The following C2orf69 variants were observed in gnomAD, a reference collection of about 807,000 sequenced individuals.
C2orf69 encodes the protein chromosome 2 open reading frame 69.
A neutral mutation model predicts 29.5 loss-of-function variants in C2orf69; 19 were observed. The observed-to-expected ratio is 0.65, with a 90% confidence interval of 0.45 to 0.95. C2orf69 has a LOEUF of 0.95. C2orf69 is among the 40% of genes least tolerant of loss of function. The pLI is 0.00. For synonymous variants in C2orf69, 194 were observed against 180.0 expected (o/e 1.08, Z -0.62); for missense variants, 416 against 482.1 (o/e 0.86, Z 1.28).
rs1481010300 is a variant in C2orf69, at chr2:199,911,606, G to C, written c.168G>C (p.Gln56His). ...AGGTGCGCCGCCGTCAGTGCCTGCA[G>C]CTTTCCACCGTGCCTGGAGCCGATC... is the stretch of plus-strand genomic sequence containing the variant. Reference protein sequence around the residue: ...SAEVRRRQCLQLSTVPGADPQ... With the variant: ...SAEVRRRQCLHLSTVPGADPQ... Residue 56 changes from glutamine (Q) to histidine (H), a missense_variant, in exon 1 of 2, where the codon CAG (glutamine) becomes CAC (histidine). Coordinates refer to ENST00000319974, the MANE Select transcript of C2orf69 (RefSeq NM_153689.6). 1 of 1,549,654 alleles carries C rather than the reference G, an allele frequency of 6.5e-7. No homozygotes were observed.
At chr2:199,911,884 A>T in intron 1 of C2orf69, 113 bp downstream of exon 1, 1 of 1,391,726 alleles carries the variant, frequency 7.2e-7, no homozygotes, top group Non-Finnish European at 9.7e-7. Context: ...GAACACACCC[A>T]CACATTCACT....
intron 1 of C2orf69, among the ~76,000 whole-genome samples, chr2:199,913,779 G>A (rs55687232): frequency 0.066 from 9,988 of 151,554 alleles, 687 homozygotes; most frequent in Admixed American, 0.22. Context: ...ATAATTTTGT[G>A]GAACAATTAC....
chr2:199,911,328 G>T lies in C2orf69; in HGVS notation c.-111G>T, dbSNP rs925068545. ...GTCGCCTCAGCGCCGGCTCCCGGCC[G>T]GGCCGCGGCCGCCGACCGTTGAGCC... On this transcript the variant is annotated 5_prime_UTR_variant, in exon 1 of 2. Transcript: ENST00000319974. 5.4e-6 allele frequency: 7 copies of T among 1,291,804 alleles called. No individual in the cohort carries two copies. The highest frequency in any genetic ancestry group is 3.7e-5 in the South Asian group (2 of 53,434). 80.0% of individuals were successfully genotyped at this position (1,291,804 alleles called of 1,614,324 possible). A position where few individuals can be genotyped will look rare whatever the true frequency, so the allele number is the denominator to read the frequency against.
chr2:199,927,995 C>A lies in C2orf69; in HGVS notation c.*2109C>A, dbSNP rs1254377924. On this transcript the variant is annotated 3_prime_UTR_variant, in exon 2 of 2. Transcript: ENST00000319974. ...GGTATTAAGAGTAAGTCACCAGGTA[C>A]ACAAAACTGCCATCATAGCAAAATG... 3.3e-5 allele frequency: 5 copies of A among 152,480 alleles called. No homozygotes were observed. Among genetic ancestry groups the A allele is most frequent in the South Asian group, 4.1e-4 (2 of 4,824 alleles). 9.4% of individuals were successfully genotyped at this position (152,480 alleles called of 1,614,324 possible). A position where few individuals can be genotyped will look rare whatever the true frequency, so the allele number is the denominator to read the frequency against.
At chr2:199,921,317 A>AT (rs2077315263) in intron 1 of C2orf69, among the ~76,000 whole-genome samples, 1 of 151,966 alleles carries the variant, frequency 6.6e-6, no homozygotes, top group African/African-American at 2.4e-5. Context: ...GGGAATTAGT[A>AT]TTTTTAACAT....
chr2:199,919,606 C>T (rs1343265650), intron 1 of C2orf69, among the ~76,000 whole-genome samples: 1 of 152,158 alleles, frequency 6.6e-6, no homozygotes, highest in African/African-American at 2.4e-5. Context: ...GGCCTTCTTG[C>T]CCTGTCATCT....
chr2:199,921,860 A>AC (rs1195210395), intron 1 of C2orf69, among the ~76,000 whole-genome samples: 2 of 151,444 alleles, frequency 1.3e-5, no homozygotes, highest in African/African-American at 4.9e-5. Context: ...TCTTACCTGT[A>AC]CCTTTGTATA....
chr2:199,911,547 G>T lies in C2orf69; in HGVS notation c.109G>T (p.Gly37Cys). The T allele has an allele frequency of 6.5e-7, 1 of 1,549,704 alleles. No homozygotes were observed. The highest frequency in any genetic ancestry group is 8.7e-7 in the Non-Finnish European group (1 of 1,146,712). Residue 37 changes from glycine (G) to cysteine (C), a missense_variant, in exon 1 of 2, where the codon GGC (glycine) becomes TGC (cysteine). By Grantham distance (159) the Gly-to-Cys change is radical (BLOSUM62 -3). Around this residue, in one of 4 missense-constraint regions of C2orf69, gnomAD observed 175 missense variants for 139.9 expected, o/e 1.25. Coordinates refer to ENST00000319974, the MANE Select transcript of C2orf69 (RefSeq NM_153689.6). The part of the protein sequence containing the change: ...CSQARTMNPG[G>C]SGGARCSLSA... ...TCAGGCCAGAACCATGAACCCGGGC[G>T]GCAGCGGCGGCGCGCGATGCTCCCT...
chr2:199,926,834 C>T lies in C2orf69; in HGVS notation c.*948C>T, dbSNP rs1410921564. On this transcript the variant is annotated 3_prime_UTR_variant, in exon 2 of 2. Coordinates refer to ENST00000319974, the MANE Select transcript of C2orf69 (RefSeq NM_153689.6). ...TAAAAATGTACTACAGAGCAAATTTCAAATTTTTCATTATATCAGTCTTTT... is the reference window on the plus strand; with the variant it reads ...TAAAAATGTACTACAGAGCAAATTTTAAATTTTTCATTATATCAGTCTTTT... 3 of 152,530 alleles carry T rather than the reference C, an allele frequency of 2.0e-5. No homozygotes were observed. The highest frequency in any genetic ancestry group is 4.4e-5 in the Non-Finnish European group (3 of 68,018). The allele number at this position is 152,530 out of a possible 1,614,324, so 9.4% of individuals were successfully genotyped here. A position where few individuals can be genotyped will look rare whatever the true frequency, so the allele number is the denominator to read the frequency against.
At chr2:199,917,516 T>TGGGGCA (rs1491521351) in intron 1 of C2orf69, among the ~76,000 whole-genome samples, 1 of 152,214 alleles carries the variant, frequency 6.6e-6, no homozygotes, top group East Asian at 1.9e-4. Context: ...CACAGATCTC[T>TGGGGCA]GGGGCAGGGG....
intron 1 of C2orf69, among the ~76,000 whole-genome samples, chr2:199,920,728 G>A (rs535706909): frequency 3.3e-4 from 50 of 151,920 alleles, no homozygotes; most frequent in African/African-American, 8.7e-4. Context: ...AGACCGAAGC[G>A]GGTGGATCAC....
rs536123946 is a variant in C2orf69, at chr2:199,912,765, C to G, written c.333+994C>G. On this transcript the variant is annotated intron_variant, in intron 1 of 1. Transcript: ENST00000319974. ...AAGTGATTCTCGTGCCTCAGCCTCC[C>G]GAGTAGCTGGGATTACAGGCATGCG... 7.2e-5 allele frequency among the ~76,000 whole-genome samples: 11 copies of G among 152,110 alleles called. No individual in the cohort carries two copies. In the East Asian group the frequency reaches 2.1e-3, roughly 29 times the overall value.
chr2:199,912,150 A>C (rs2077266259), intron 1 of C2orf69, among the ~76,000 whole-genome samples: 1 of 152,190 alleles, frequency 6.6e-6, no homozygotes, highest in Non-Finnish European at 1.5e-5. Flanking sequence ...ATGGCTTTCA[A>C]ATTAAGTTAG....
At chr2:199,915,185 A>G (rs1269557020) in intron 1 of C2orf69, among the ~76,000 whole-genome samples, 1 of 152,218 alleles carries the variant, frequency 6.6e-6, no homozygotes, top group Admixed American at 6.5e-5. Context: ...TTTTGAGCCT[A>G]ATATCTATCC....
rs569112934 is a variant in C2orf69, at chr2:199,927,723, C to CT, written c.*1844dup. ...GCCTTTAAGCACTATGATTGGATGG[C>CT]TTTTTTTCTATTTGTTTAATAATCC... is the stretch of plus-strand genomic sequence containing the variant. On this transcript the variant is annotated 3_prime_UTR_variant, in exon 2 of 2. Coordinates refer to ENST00000319974, the MANE Select transcript of C2orf69 (RefSeq NM_153689.6). 9.9e-5 allele frequency: 15 copies of CT among 151,948 alleles called. No individual in the cohort carries two copies. The highest frequency in any genetic ancestry group is 3.1e-4 in the African/African-American group (13 of 41,466). The allele number at this position is 151,948 out of a possible 1,614,324, so 9.4% of individuals were successfully genotyped here. A position where few individuals can be genotyped will look rare whatever the true frequency, so the allele number is the denominator to read the frequency against.
Position 199,925,127 on chromosome 2 carries a change from T to G in C2orf69, c.399T>G (p.Asn133Lys). 1 of 1,613,340 alleles carries G rather than the reference T, an allele frequency of 6.2e-7. No individual in the cohort carries two copies. The highest frequency in any genetic ancestry group is 8.5e-7 in the Non-Finnish European group (1 of 1,179,444). The change falls in exon 2 of 2, where the codon AAT (asparagine) becomes AAG (lysine). Residue 133 changes from asparagine (N) to lysine (K), a missense_variant. Asn to Lys is a moderately conservative substitution (Grantham distance 94). This residue lies in a region of C2orf69 where 225 missense variants were observed against 307.3 expected (regional missense o/e 0.73). Transcript: ENST00000319974. This position sits in a 1 kb window ranked among gnomAD's most constrained non-coding sequence, Gnocchi z 4.9. ...AATGGGAAAACTGGAGTCTAGAAAATGTTGCTACCATTTTAGCCCACCGGT... is the reference window on the plus strand; with the variant it reads ...AATGGGAAAACTGGAGTCTAGAAAAGGTTGCTACCATTTTAGCCCACCGGT... ...NYQWENWSLE[N>K]VATILAHRFP...
chr2:199,921,249 G>A (rs62178353), intron 1 of C2orf69, among the ~76,000 whole-genome samples: 50 of 151,874 alleles, frequency 3.3e-4, no homozygotes, highest in East Asian at 1.6e-3. Context: ...CTCGTGATCC[G>A]CCTGGCTCGG....
intron 1 of C2orf69, among the ~76,000 whole-genome samples, chr2:199,924,395 C>T (rs2077328295): frequency 6.6e-6 from 1 of 152,056 alleles, no homozygotes. Context: ...TGACAGAGAT[C>T]CTGTCTCACA....
At position 199,911,518 on chromosome 2, in the gene C2orf69, GCT is replaced by G; in HGVS notation, c.84_85del (p.Gln29GlyfsTer86). 6.5e-7 allele frequency: 1 copy of G among 1,549,446 alleles called. No homozygotes were observed. The highest frequency in any genetic ancestry group is 8.7e-7 in the Non-Finnish European group (1 of 1,146,582). ...CTCGGAATCGGAAACGCCTCGTCCT[GCT>G]CTCAGGCCAGAACCATGAACCCGGG... On this transcript the variant is annotated frameshift_variant, in exon 1 of 2. Transcript: ENST00000319974. LOFTEE classifies it high-confidence loss of function.
Sources: allele counts gnomAD v4.1 joint callset (sites outside exome capture counted in the v4.1 genomes callset), GRCh38; gene constraint gnomAD v4.1.1; regional missense constraint gnomAD v4.1.1; non-coding constraint Gnocchi (gnomAD v3.1); transcripts MANE v1.5; gene names NCBI Gene and HGNC (gene_info 2026-07-23, HGNC 2026-07-21).